Variants in PTPRD observed in about 807,000 individuals in gnomAD.
The protein encoded by PTPRD is receptor-type tyrosine-protein phosphatase delta.
A neutral mutation model predicts 214.5 loss-of-function variants in PTPRD; 34 were observed. The observed-to-expected ratio is 0.16, with a 90% CI of 0.12 to 0.21. PTPRD has a LOEUF of 0.21. Among genes scored for constraint, PTPRD ranks in the 10% least tolerant of loss-of-function variants. The pLI is 1.00. For synonymous variants in PTPRD, 1,128 were observed against 845.7 expected (o/e 1.33, Z -5.79); for missense variants, 2,545 against 2,398.7 (o/e 1.06, Z -1.27).
chr9:10,216,803 T>G (rs569106377), intron 3 of PTPRD, among the ~76,000 whole-genome samples: 2 of 152,164 alleles, frequency 1.3e-5, no homozygotes, highest in East Asian at 3.9e-4. Flanking sequence ...AGTGCAACAC[T>G]TCTATCTCTT....
At chr9:9,432,033 C>T (rs1312465874) in intron 8 of PTPRD, among the ~76,000 whole-genome samples, 1 of 139,864 alleles carries the variant, frequency 7.1e-6, no homozygotes. Flanking sequence ...GTACATGTAC[C>T]CTAGAACTTA....
chr9:9,081,467 T>G (rs1290707075), intron 10 of PTPRD, among the ~76,000 whole-genome samples: 1 of 152,160 alleles, frequency 6.6e-6, no homozygotes, highest in Non-Finnish European at 1.5e-5. Flanking sequence ...AGAATGTATA[T>G]TCTGTTGATT....
intron 11 of PTPRD, among the ~76,000 whole-genome samples, chr9:8,966,149 C>T (rs1188849765): frequency 1.3e-5 from 2 of 151,970 alleles, no homozygotes; most frequent in African/African-American, 2.4e-5. Flanking sequence ...ACAGTCCATG[C>T]ATATGGATTG....
intron 5 of PTPRD, among the ~76,000 whole-genome samples, chr9:9,784,233 T>C (rs1358947051): frequency 2.6e-5 from 4 of 152,080 alleles, no homozygotes; most frequent in Admixed American, 6.5e-5. Flanking sequence ...AGGATAAAGC[T>C]AACATATCTA....
intron 7 of PTPRD, among the ~76,000 whole-genome samples, chr9:9,588,615 T>C (rs1402303065): frequency 6.6e-6 from 1 of 151,970 alleles, no homozygotes; most frequent in Non-Finnish European, 1.5e-5. Context: ...TGCACAGAAA[T>C]AATTAGGAAT....
intron 11 of PTPRD, among the ~76,000 whole-genome samples, chr9:8,894,567 A>G (rs1325021152): frequency 2.6e-5 from 4 of 152,028 alleles, no homozygotes; most frequent in Non-Finnish European, 4.4e-5. Flanking sequence ...GTCATACATG[A>G]TGCTTGTAAT....
At chr9:9,140,961 G>C (rs963278474) in intron 10 of PTPRD, among the ~76,000 whole-genome samples, 1 of 152,074 alleles carries the variant, frequency 6.6e-6, no homozygotes, top group Admixed American at 6.5e-5. Context: ...TTCCCCTGTG[G>C]TTAGAAATTA....
intron 11 of PTPRD, among the ~76,000 whole-genome samples, chr9:8,924,683 T>C (rs2098855703): frequency 6.6e-6 from 1 of 152,072 alleles, no homozygotes; most frequent in Admixed American, 6.6e-5. Flanking sequence ...TGATCTTGTC[T>C]GTAGAAGGAA....
chr9:8,673,655 C>G (rs1309285179), intron 12 of PTPRD, among the ~76,000 whole-genome samples: 1 of 151,996 alleles, frequency 6.6e-6, no homozygotes, highest in Non-Finnish European at 1.5e-5. Context: ...TAATTTATCC[C>G]TCTAATTTCT....
At chr9:10,135,012 G>C (rs1342769590) in intron 3 of PTPRD, among the ~76,000 whole-genome samples, 1 of 152,016 alleles carries the variant, frequency 6.6e-6, no homozygotes, top group South Asian at 2.1e-4. Flanking sequence ...AGATGACATA[G>C]CAATTTTTTA....
rs1039496144 is a variant in PTPRD at position 9,823,122 on chromosome 9, C to T, written c.-367-56271G>A. Among the ~76,000 whole-genome samples, 9 of 152,124 alleles carry T rather than the reference C, an allele frequency of 5.9e-5. 1 individual carries two copies. Among genetic ancestry groups the T allele is most frequent in the Admixed American group, 2.6e-4 (4 of 15,266 alleles). The stretch of plus-strand genomic sequence containing the variant: ...AAAATGTGGTACATATACATACATT[C>T]GGCCATTCTTGCATTGCTATAAAGA... On this transcript the variant is annotated intron_variant, in intron 5 of 45. Coordinates refer to ENST00000381196, the MANE Select transcript of PTPRD (RefSeq NM_002839.4).
chr9:9,279,382 CAATA>C (rs1021984405), intron 9 of PTPRD, among the ~76,000 whole-genome samples: 1 of 145,050 alleles, frequency 6.9e-6, no homozygotes, highest in African/African-American at 2.5e-5. Context: ...CTGCTGCTGG[CAATA>C]GATAGATATA....
chr9:8,740,605 AAT>A (rs1350105150), intron 11 of PTPRD, among the ~76,000 whole-genome samples: 1 of 152,172 alleles, frequency 6.6e-6, no homozygotes, highest in Non-Finnish European at 1.5e-5. Context: ...CTCTGAATAA[AAT>A]AGTCAAACCT....
chr9:9,147,311 A>G (rs769257899), intron 10 of PTPRD, among the ~76,000 whole-genome samples: 1 of 148,684 alleles, frequency 6.7e-6, no homozygotes, highest in Non-Finnish European at 1.5e-5. Context: ...TGCAGTAAAA[A>G]TGAGTTTCCT....
intron 11 of PTPRD, among the ~76,000 whole-genome samples, chr9:8,796,372 A>G (rs545654372): frequency 1.4e-4 from 21 of 152,274 alleles, no homozygotes; most frequent in African/African-American, 4.6e-4. Context: ...GACCTTTACC[A>G]TTAATACAAA....
intron 4 of PTPRD, among the ~76,000 whole-genome samples, chr9:10,014,404 G>A (rs1368893239): frequency 6.6e-6 from 1 of 151,860 alleles, no homozygotes. Context: ...ACTGTTAATT[G>A]CATATATAAA....
At chr9:10,214,071 G>C (rs1247526208) in intron 3 of PTPRD, among the ~76,000 whole-genome samples, 1 of 152,004 alleles carries the variant, frequency 6.6e-6, no homozygotes, top group Non-Finnish European at 1.5e-5. Context: ...ATATGTAAAA[G>C]AAGGACATTT....
intron 7 of PTPRD, among the ~76,000 whole-genome samples, chr9:9,689,868 T>C (rs1359873097): frequency 1.3e-5 from 2 of 151,918 alleles, no homozygotes; most frequent in Non-Finnish European, 2.9e-5. Flanking sequence ...CACATTTTCG[T>C]TATCCATTCA....
chr9:9,509,464 A>G (rs1484604772), intron 8 of PTPRD, among the ~76,000 whole-genome samples: 1 of 151,344 alleles, frequency 6.6e-6, no homozygotes, highest in Non-Finnish European at 1.5e-5. Flanking sequence ...GGACAATGAC[A>G]CACCAGACCC....
Sources: gnomAD v4.1 joint callset for allele counts (sites outside exome capture counted in the v4.1 genomes callset) on GRCh38, gnomAD v4.1.1 for gene constraint, MANE v1.5 for transcripts, NCBI Gene and HGNC (gene_info 2026-07-23, HGNC 2026-07-21) for gene names.